PPP2R5E: variants seen among roughly 807,000 people sequenced by gnomAD.
PPP2R5E encodes protein phosphatase 2 regulatory subunit B'epsilon.
Under a neutral mutation model 65.3 loss-of-function variants are expected in PPP2R5E, and 4 were observed. That is an observed-to-expected ratio of 0.06 (90% CI 0.03 to 0.14). PPP2R5E has a LOEUF of 0.14. Ranked by LOEUF, PPP2R5E falls within the 10% of genes least tolerant of loss-of-function variation. The pLI is 1.00. For missense variants in PPP2R5E, 274 were observed against 556.1 expected (o/e 0.49, Z 5.10); for synonymous variants, 183 against 187.4 (o/e 0.98, Z 0.19).
At chr14:63,426,656 CGA>C (rs964369622) in intron 3 of PPP2R5E, among the ~76,000 whole-genome samples, 4 of 133,802 alleles carry the variant, frequency 3.0e-5, no homozygotes, top group African/African-American at 5.6e-5. Context: ...TGCTGTCAAG[CGA>C]GAGTTAAGAA....
intron 3 of PPP2R5E, among the ~76,000 whole-genome samples, chr14:63,433,801 G>A (rs200627068): frequency 2.6e-5 from 4 of 152,042 alleles, no homozygotes; most frequent in Admixed American, 6.6e-5. Flanking sequence ...CTCCTGTTTC[G>A]CCCCCATGCA....
At chr14:63,507,576 T>TG (rs1055886690) in intron 2 of PPP2R5E, among the ~76,000 whole-genome samples, 1 of 80,774 alleles carries the variant, frequency 1.2e-5, no homozygotes, top group African/African-American at 8.1e-5. Context: ...GGTAATTCTC[T>TG]TTTTTTTTTT....
intron 3 of PPP2R5E, among the ~76,000 whole-genome samples, chr14:63,430,386 C>T (rs1310861790): frequency 7.0e-6 from 1 of 142,144 alleles, no homozygotes; most frequent in Non-Finnish European, 1.5e-5. Flanking sequence ...TGCATACATA[C>T]ATACATACAT....
At chr14:63,493,487 T>TGG in intron 2 of PPP2R5E, among the ~76,000 whole-genome samples, 1 of 121,214 alleles carries the variant, frequency 8.2e-6, no homozygotes, top group Admixed American at 1.0e-4. Context: ...CGCGCGCGTG[T>TGG]GTGTGTGCGT....
chr14:63,467,222 C>CAAAAAAAAAAAAAAAAAAA, intron 2 of PPP2R5E, among the ~76,000 whole-genome samples: 1 of 114,382 alleles, frequency 8.7e-6, no homozygotes, highest in African/African-American at 4.5e-5. Flanking sequence ...GACTCCGTCT[C>CAAAAAAAAAAAAAAAAAAA]AAAAAAAACA....
At chr14:63,432,840 A>G (rs916346963) in intron 3 of PPP2R5E, among the ~76,000 whole-genome samples, 4 of 152,164 alleles carry the variant, frequency 2.6e-5, no homozygotes, top group African/African-American at 4.8e-5. Context: ...TCAAACAGTA[A>G]AAAGGATAAG....
At chr14:63,526,233 C>A (rs1893178873) in intron 2 of PPP2R5E, among the ~76,000 whole-genome samples, 2 of 152,122 alleles carry the variant, frequency 1.3e-5, no homozygotes, top group South Asian at 4.1e-4. Flanking sequence ...AGAGAAAGTT[C>A]TCTCTTTGAA....
chr14:63,493,128 G>A (rs186751615), intron 2 of PPP2R5E, among the ~76,000 whole-genome samples: 2 of 152,152 alleles, frequency 1.3e-5, no homozygotes, highest in Admixed American at 6.5e-5. Context: ...TCAGATAGTT[G>A]TATGATAGAG....
chr14:63,404,470 ACAG>A (rs1380674067), intron 5 of PPP2R5E, among the ~76,000 whole-genome samples: 4 of 152,198 alleles, frequency 2.6e-5, no homozygotes, highest in Admixed American at 2.6e-4. Flanking sequence ...TACAGAGAAA[ACAG>A]CCCAGAACAA....
intron 2 of PPP2R5E, among the ~76,000 whole-genome samples, chr14:63,494,704 G>A (rs1348742265): frequency 6.6e-6 from 1 of 151,590 alleles, no homozygotes; most frequent in Admixed American, 6.6e-5. Flanking sequence ...AGACATGCCT[G>A]GACAACATGA....
intron 2 of PPP2R5E, among the ~76,000 whole-genome samples, chr14:63,528,529 A>G (rs1348792284): frequency 6.6e-6 from 1 of 152,220 alleles, no homozygotes; most frequent in Non-Finnish European, 1.5e-5. Flanking sequence ...TATGTTTTTA[A>G]CCTGAAACAT....
At chr14:63,456,932 TA>T (rs1295128237) in intron 2 of PPP2R5E, among the ~76,000 whole-genome samples, 1 of 152,190 alleles carries the variant, frequency 6.6e-6, no homozygotes, top group African/African-American at 2.4e-5. Context: ...TCCTTTATCA[TA>T]AACTAAATTC....
At chr14:63,522,708 C>T (rs1393442981) in intron 2 of PPP2R5E, among the ~76,000 whole-genome samples, 7 of 149,622 alleles carry the variant, frequency 4.7e-5, no homozygotes, top group Middle Eastern at 3.4e-3. Flanking sequence ...CGTCTCTGCC[C>T]GGCCGCCCCG....
At chr14:63,397,502 TAAAA>T (rs1163450765) in intron 5 of PPP2R5E, among the ~76,000 whole-genome samples, 4 of 62,292 alleles carry the variant, frequency 6.4e-5, no homozygotes, top group African/African-American at 2.6e-4. Context: ...ATTCGGTCTT[TAAAA>T]AAAAAAAAAA....
At chr14:63,522,127 G>A (rs1892939453) in intron 2 of PPP2R5E, among the ~76,000 whole-genome samples, 1 of 151,966 alleles carries the variant, frequency 6.6e-6, no homozygotes, top group African/African-American at 2.4e-5. Flanking sequence ...TATTTTTTTG[G>A]TGGAGACGGG....
At position 63,415,011 on chromosome 14, in the gene PPP2R5E, T is replaced by A. The variant is rs539571911; in HGVS notation, c.549+129A>T. ...GGCAGTAATGGAAATTAACTTATGT[T>A]TATATATATATATATATTTTGTGGG... On this transcript the variant is annotated intron_variant, in intron 5 of 13. Coordinates refer to ENST00000337537, the MANE Select transcript of PPP2R5E (RefSeq NM_006246.5). 2,614 of 444,934 alleles carry A rather than the reference T, an allele frequency of 5.9e-3. 11 individuals carry two copies. Among genetic ancestry groups the A allele is most frequent in the Non-Finnish European group, 7.1e-3 (1,789 of 252,584 alleles). The allele number at this position is 444,934 out of a possible 1,614,324, so 27.6% of individuals were successfully genotyped here.
intron 4 of PPP2R5E, 50 bp from the exon 5 acceptor site, chr14:63,415,282 A>G: frequency 2.2e-6 from 3 of 1,355,434 alleles, no homozygotes; most frequent in Non-Finnish European, 3.1e-6. Context: ...CACTGAGAAC[A>G]GTACTAAAAA....
chr14:63,396,872 AAACAAGTC>A (rs1453519863), intron 5 of PPP2R5E, among the ~76,000 whole-genome samples, 156 bp from the exon 6 acceptor site: 1 of 152,218 alleles, frequency 6.6e-6, no homozygotes, highest in African/African-American at 2.4e-5. Context: ...ATATCATGAT[AAACAAGTC>A]AGACAAGGAG....
At chr14:63,417,863 C>CAT (rs1886786305) in intron 4 of PPP2R5E, among the ~76,000 whole-genome samples, 1 of 152,112 alleles carries the variant, frequency 6.6e-6, no homozygotes, top group Non-Finnish European at 1.5e-5. Context: ...AAGGACAAAT[C>CAT]ATATATACAG....
Sources: gnomAD v4.1 joint callset for allele counts (sites outside exome capture counted in the v4.1 genomes callset) on GRCh38, gnomAD v4.1.1 for gene constraint, MANE v1.5 for transcripts, NCBI Gene and HGNC (gene_info 2026-07-23, HGNC 2026-07-21) for gene names.